Variants in ANKRD44 observed in about 807,000 individuals in gnomAD.
ANKRD44 encodes the protein serine/threonine-protein phosphatase 6 regulatory ankyrin repeat subunit B.
A neutral mutation model predicts 116.0 loss-of-function variants in ANKRD44; 35 were observed. The observed-to-expected ratio is 0.30, with a 90% confidence interval of 0.23 to 0.40. ANKRD44 has a LOEUF of 0.40. Ranked by LOEUF, ANKRD44 falls within the 10% of genes least tolerant of loss-of-function variation. The pLI is 1.00. For synonymous variants in ANKRD44, 435 were observed against 461.8 expected (o/e 0.94, Z 0.74); for missense variants, 1,014 against 1,242.6 (o/e 0.82, Z 2.77).
At position 197,122,782 on chromosome 2, in the gene ANKRD44, A is replaced by C; in HGVS notation, c.561T>G (p.Asp187Glu). The change falls in exon 7 of 28, where the codon GAT (aspartate) becomes GAG (glutamate). Residue 187 changes from aspartate (D) to glutamate (E), a missense_variant. Coordinates refer to ENST00000282272, the MANE Select transcript of ANKRD44 (RefSeq NM_001195144.2). ...LHWAAYMGHL[D>E]VVALLINHGA... ...CATGGTTAATGAGCAATGCTACAAC[A>C]TCCAAGTGGCCTTTACAAACAAAGC... 1 of 1,613,584 alleles carries C rather than the reference A, an allele frequency of 6.2e-7. No individual in the cohort carries two copies. Among genetic ancestry groups the C allele is most frequent in the South Asian group, 1.1e-5 (1 of 90,956 alleles).
At chr2:196,983,858 C>T (rs147788775), downstream of ANKRD44, among the ~76,000 whole-genome samples, 2 of 152,196 alleles carry the variant, frequency 1.3e-5, no homozygotes, top group Non-Finnish European at 2.9e-5. Flanking sequence ...GAGTTCCCCC[C>T]ACTGGGAAAG....
chr2:197,167,048 C>CT (rs1477361785), intron 2 of ANKRD44, among the ~76,000 whole-genome samples: 1 of 152,134 alleles, frequency 6.6e-6, no homozygotes, highest in Admixed American at 6.5e-5. Flanking sequence ...ATAAATCAGT[C>CT]TGAGTTTATA....
At chr2:197,091,413 T>C (rs537555640) in intron 10 of ANKRD44, among the ~76,000 whole-genome samples, 1 of 152,344 alleles carries the variant, frequency 6.6e-6, no homozygotes, top group Non-Finnish European at 1.5e-5. Flanking sequence ...CCTGCTTCAG[T>C]GTAATCACAG....
At chr2:197,112,343 T>C (rs181571781) in intron 8 of ANKRD44, among the ~76,000 whole-genome samples, 2 of 152,306 alleles carry the variant, frequency 1.3e-5, no homozygotes, top group East Asian at 3.9e-4. Flanking sequence ...AAACAAATAA[T>C]AATTTAGGTA....
intron 1 of ANKRD44, among the ~76,000 whole-genome samples, chr2:197,299,233 T>C (rs998339214): frequency 2.6e-5 from 4 of 152,206 alleles, no homozygotes; most frequent in Non-Finnish European, 2.9e-5. Context: ...GTCTGTTTTT[T>C]CTGTAGGCAT....
intron 1 of ANKRD44, among the ~76,000 whole-genome samples, chr2:197,273,978 AAAATATATATATAT>A (rs2082985826): frequency 2.0e-5 from 1 of 49,722 alleles, no homozygotes; most frequent in Non-Finnish European, 3.7e-5. Context: ...AAAAAAAAAA[AAAATATATATATAT>A]ATATATATAT....
intron 1 of ANKRD44, among the ~76,000 whole-genome samples, chr2:197,215,959 A>G (rs180811076): frequency 6.6e-5 from 10 of 152,338 alleles, no homozygotes; most frequent in Admixed American, 5.9e-4. Context: ...GATTAACAGC[A>G]GCATCTGGCA....
chr2:197,118,637 G>GAGAGAGAGAGAGAGAAAGAAAGAA, intron 8 of ANKRD44, among the ~76,000 whole-genome samples: 1 of 112,440 alleles, frequency 8.9e-6, no homozygotes, highest in African/African-American at 3.3e-5. Flanking sequence ...GAGAGAGAGA[G>GAGAGAGAGAGAGAGAAAGAAAGAA]AGAAAGAAAG....
intron 1 of ANKRD44, among the ~76,000 whole-genome samples, chr2:197,245,854 G>A (rs1012801759): frequency 6.6e-6 from 1 of 152,214 alleles, no homozygotes; most frequent in Admixed American, 6.5e-5. Flanking sequence ...AACTAAGAAG[G>A]AAGAGAAATA....
Position 197,203,205 on chromosome 2 carries a change from A to T in ANKRD44, c.28-16099T>A, listed in dbSNP as rs768911756. Among the ~76,000 whole-genome samples, 9 of 152,240 alleles carry T rather than the reference A, an allele frequency of 5.9e-5. No homozygotes were observed. The highest frequency in any genetic ancestry group is 1.0e-4 in the Non-Finnish European group (7 of 68,042). On this transcript the variant is annotated intron_variant, in intron 1 of 27. Coordinates refer to ENST00000282272, the MANE Select transcript of ANKRD44 (RefSeq NM_001195144.2). The surrounding 1 kb of genome is among the most constrained non-coding windows in gnomAD (Gnocchi z 4.1). The stretch of plus-strand genomic sequence containing the variant: ...TTTGTATAAAGATGTTCATAACAAC[A>T]CTATTTATGACAGGAAAAATTAAAA...
chr2:197,278,498 A>G (rs2083163559), intron 1 of ANKRD44, among the ~76,000 whole-genome samples: 1 of 152,064 alleles, frequency 6.6e-6, no homozygotes, highest in Admixed American at 6.5e-5. Context: ...CTGGGACTAC[A>G]GGCACGCACC....
Position 197,307,613 on chromosome 2 carries a change from G to GA in ANKRD44, c.27+2964dup, listed in dbSNP as rs200691851. ...TCTCCCTTTTTCTTTTTACTCTCCT[G>GA]AAAAAAAAAGAGTTAGGAAAAAACA... On this transcript the variant is annotated intron_variant, in intron 1 of 27. Transcript: ENST00000282272. Among the ~76,000 whole-genome samples the GA allele has an allele frequency of 8.7e-3, 1,260 of 144,318 alleles. 15 individuals carry two copies. The highest frequency in any genetic ancestry group is 0.03 in the African/African-American group (1,167 of 39,190). The allele number at this position is 144,318 out of a possible 152,430, so 94.7% of individuals were successfully genotyped here.
At chr2:197,185,818 G>A (rs1435521559) in intron 2 of ANKRD44, among the ~76,000 whole-genome samples, 5 of 152,170 alleles carry the variant, frequency 3.3e-5, no homozygotes, top group Non-Finnish European at 7.3e-5. Context: ...CACACAGGAT[G>A]CCTAGTTCAC....
chr2:197,277,042 C>T (rs2083111072), intron 1 of ANKRD44, among the ~76,000 whole-genome samples: 1 of 151,892 alleles, frequency 6.6e-6, no homozygotes, highest in African/African-American at 2.4e-5. Flanking sequence ...ATTCTCCTGC[C>T]TCAGCCTCCC....
chr2:197,272,262 G>A (rs930287011), intron 1 of ANKRD44, among the ~76,000 whole-genome samples: 1 of 151,936 alleles, frequency 6.6e-6, no homozygotes. Flanking sequence ...TTTTTGAGAT[G>A]GAGTCTCACT....
chr2:197,027,944 C>A lies in ANKRD44; in HGVS notation c.1651-2677G>T, dbSNP rs1047452118. The stretch of plus-strand genomic sequence containing the variant: ...GGCTCAAGCAATACTGCCAGCTTGG[C>A]CTCCCAAACCGCTGAGATTACACAG... On this transcript the variant is annotated intron_variant, in intron 16 of 27. Transcript: ENST00000282272. 1.2e-4 allele frequency among the ~76,000 whole-genome samples: 18 copies of A among 152,148 alleles called. No individual in the cohort carries two copies. The East Asian group carries it at 3.1e-3, about 26-fold the overall frequency.
intron 3 of ANKRD44, among the ~76,000 whole-genome samples, chr2:197,138,964 G>T (rs1263553884): frequency 6.6e-6 from 1 of 152,190 alleles, no homozygotes; most frequent in East Asian, 1.9e-4. Context: ...AGAAGCAAAT[G>T]AAAGCAGCAT....
intron 1 of ANKRD44, among the ~76,000 whole-genome samples, chr2:197,304,458 C>A (rs190329193): frequency 7.2e-5 from 11 of 152,302 alleles, no homozygotes; most frequent in Middle Eastern, 3.4e-3. Context: ...GACTTTGTTA[C>A]CTGGAAAGCC....
At chr2:197,307,408 C>T (rs2084103452) in intron 1 of ANKRD44, among the ~76,000 whole-genome samples, 1 of 151,980 alleles carries the variant, frequency 6.6e-6, no homozygotes, top group South Asian at 2.1e-4. Flanking sequence ...ATGGTTAGTG[C>T]CCCCTAAGGC....
Sources: gnomAD v4.1 joint callset for allele counts (sites outside exome capture counted in the v4.1 genomes callset) on GRCh38, gnomAD v4.1.1 for gene constraint, Gnocchi (gnomAD v3.1) non-coding constraint, MANE v1.5 for transcripts, NCBI Gene and HGNC (gene_info 2026-07-23, HGNC 2026-07-21) for gene names.